The following SSC4D variants were observed in gnomAD, a reference collection of about 807,000 sequenced individuals.
SSC4D encodes scavenger receptor cysteine-rich domain-containing group B protein.
In SSC4D, 57 loss-of-function variants were observed where a neutral mutation model predicts 63.4. The ratio of observed to expected loss-of-function variants is 0.90; its 90% CI spans 0.73 to 1.12. SSC4D has a LOEUF of 1.12. SSC4D is among the 50% of genes most tolerant of loss of function. SSC4D has a pLI of 0.00. For synonymous variants in SSC4D, 352 were observed against 345.4 expected, an observed-to-expected ratio of 1.02 and a Z score of -0.21; for missense variants, 791 against 806.4, an observed-to-expected ratio of 0.98 and a Z score of 0.23.
intron 8 of SSC4D, 29 bp from the exon 9 acceptor site, chr7:76,393,745 G>A: frequency 7.1e-7 from 1 of 1,408,560 alleles, no homozygotes; most frequent in East Asian, 2.9e-5. Flanking sequence ...CGCGGCCAGA[G>A]GGGCTGGGCT....
chr7:76,400,487 C>T lies in SSC4D; in HGVS notation c.274G>A (p.Ala92Thr), dbSNP rs775186548. 24 of 1,603,852 alleles carry T rather than the reference C, an allele frequency of 1.5e-5. 1 individual carries two copies. In the South Asian group the frequency reaches 2.0e-4, roughly 13 times the overall value. ...CCCAGCTGGCGACACACTACGTTGG[C>T]GTCCACCACGTCCCAGTCGTCATCA... ...VCDDDWDVVD[A>T]NVVCRQLGCG... is the part of the protein sequence containing the mutation. The change falls in exon 4 of 11, where the codon GCC becomes ACC. Residue 92 changes from alanine (A) to threonine (T), a missense_variant. Transcript: ENST00000275560.
intron 4 of SSC4D, among the ~76,000 whole-genome samples, chr7:76,399,615 G>C (rs947167550): frequency 3.3e-5 from 5 of 151,792 alleles, no homozygotes; most frequent in African/African-American, 4.8e-5. Flanking sequence ...GCTCACTGCA[G>C]CCTTGACCCC....
chr7:76,403,228 G>A (rs940317841), intron 2 of SSC4D, among the ~76,000 whole-genome samples: 5 of 152,110 alleles, frequency 3.3e-5, no homozygotes, highest in African/African-American at 4.8e-5. Context: ...ATGGAAAGCC[G>A]GAAAATAATT....
At chr7:76,403,425 C>G (rs1028383718) in intron 2 of SSC4D, among the ~76,000 whole-genome samples, 3 of 151,784 alleles carry the variant, frequency 2.0e-5, no homozygotes, top group African/African-American at 7.3e-5. Context: ...GCAACCTCCA[C>G]CTCCTGGGTT....
At position 76,393,716 on chromosome 7, in the gene SSC4D, C is replaced by A; in HGVS notation, c.1022G>T (p.Ser341Ile). 1 of 1,389,768 alleles carries A rather than the reference C, an allele frequency of 7.2e-7. No homozygotes were observed. 86.1% of individuals were successfully genotyped at this position (1,389,768 alleles called of 1,614,324 possible). ...TTAAWAAGKK[S>I]GRLRLVGGPG... ...GCCGCCCACCAGTCGCAGCCGTCCA[C>A]CTGCGGGGCGCACAGGCCCGCGGCC... Residue 341 changes from serine to isoleucine, a missense_variant and splice_region_variant, in exon 9 of 11, where the codon AGT becomes ATT. Ser to Ile is a moderately radical substitution (Grantham distance 142). Transcript: ENST00000275560.
At chr7:76,392,140 C>T in intron 9 of SSC4D, 99 bp from the exon 10 acceptor site, 1 of 1,248,130 alleles carries the variant, frequency 8.0e-7, no homozygotes, top group East Asian at 2.5e-5. Flanking sequence ...AAAGCCTGTC[C>T]TAGGGACAAA....
intron 6 of SSC4D, 113 bp from the exon 7 acceptor site, chr7:76,395,443 C>T: frequency 2.7e-6 from 3 of 1,093,012 alleles, no homozygotes; most frequent in Non-Finnish European, 4.0e-6. Flanking sequence ...ATAGATGTTA[C>T]TTCCAGGGCT....
rs1453514760 is a variant in SSC4D, at chr7:76,390,749, G to A, written c.1412-374C>T. 3.9e-5 allele frequency among the ~76,000 whole-genome samples: 6 copies of A among 152,224 alleles called. No individual in the cohort carries two copies. The South Asian group carries it at 1.0e-3, about 26-fold the overall frequency. On this transcript the variant is annotated intron_variant, in intron 10 of 10. Coordinates refer to ENST00000275560, the MANE Select transcript of SSC4D (RefSeq NM_080744.2). ...GGAGTATGGCATGAACCCAGGAGGT[G>A]GAGCTTGCAGTGAGCCGAGATCGTG... is the stretch of plus-strand genomic sequence containing the variant.
chr7:76,404,247 A>G (rs1804926138), intron 2 of SSC4D, 60 bp downstream of exon 2: 4 of 1,477,780 alleles, frequency 2.7e-6, no homozygotes, highest in Non-Finnish European at 3.6e-6. Flanking sequence ...ATAAAGTTAC[A>G]GCTGGGACAA....
intron 10 of SSC4D, among the ~76,000 whole-genome samples, chr7:76,391,251 T>C (rs1804488695): frequency 6.6e-6 from 1 of 152,052 alleles, no homozygotes; most frequent in African/African-American, 2.4e-5. Context: ...CTGGCCAACA[T>C]GGTGAAACCC....
intron 1 of SSC4D, among the ~76,000 whole-genome samples, chr7:76,407,187 C>T (rs903169755): frequency 2.0e-5 from 3 of 152,194 alleles, no homozygotes; most frequent in African/African-American, 7.2e-5. Flanking sequence ...TCTGGAACTC[C>T]TGACCTCAAG....
At chr7:76,393,358 G>A in intron 9 of SSC4D, 47 bp downstream of exon 9, 2 of 1,308,860 alleles carry the variant, frequency 1.5e-6, no homozygotes, top group Non-Finnish European at 1.9e-6. Context: ...CTCCCACGCC[G>A]CAGTGCGCGG....
chr7:76,397,087 T>C (rs77596096), intron 6 of SSC4D, among the ~76,000 whole-genome samples: 1 of 152,122 alleles, frequency 6.6e-6, no homozygotes, highest in Non-Finnish European at 1.5e-5. Flanking sequence ...ACAGTTTTTT[T>C]GTTTGTTTGT....
chr7:76,393,424 G>C lies in SSC4D; in HGVS notation c.1314C>G (p.Asp438Glu), dbSNP rs1244236085. ...WGQHNCGHHE[D>E]AGALCAGPEE... ...CCTCACCTGCGCAGAGCGCTCCCGC[G>C]TCCTCGTGGTGGCCGCAGTTGTGCT... is the stretch of plus-strand genomic sequence containing the variant. The change falls in exon 9 of 11, where the codon GAC (aspartate) becomes GAG (glutamate). Residue 438 changes from aspartate (D) to glutamate (E), a missense_variant. By Grantham distance (45) the Asp-to-Glu change is conservative (BLOSUM62 2). Transcript: ENST00000275560. 6.7e-7 allele frequency: 1 copy of C among 1,493,050 alleles called. No homozygotes were observed. The allele number at this position is 1,493,050 out of a possible 1,614,324, so 92.5% of individuals were successfully genotyped here.
At chr7:76,390,450 T>A in intron 10 of SSC4D, 75 bp from the exon 11 acceptor site, 1 of 1,393,064 alleles carries the variant, frequency 7.2e-7, no homozygotes, top group Non-Finnish European at 9.6e-7. Flanking sequence ...AGGTTGGCAG[T>A]AAAGAGAGGT....
chr7:76,397,596 G>A lies in SSC4D; in HGVS notation c.790C>T (p.Arg264Cys). 6.2e-7 allele frequency: 1 copy of A among 1,607,492 alleles called. No homozygotes were observed. Among genetic ancestry groups the A allele is most frequent in the Non-Finnish European group, 8.5e-7 (1 of 1,177,732 alleles). Residue 264 changes from arginine to cysteine, a missense_variant, in exon 6 of 11, where the codon CGC (arginine) becomes TGC (cysteine). Arg to Cys is a radical substitution (Grantham distance 180). Coordinates refer to ENST00000275560, the MANE Select transcript of SSC4D (RefSeq NM_080744.2). ...CCCAGGCTCTGGCAGGCTGCCAGGC[G>A]GGGCTCGCCGCCTTCGCAGTGCACG... is the stretch of plus-strand genomic sequence containing the variant. ...DNVHCEGGEP[R>C]LAACQSLGWG...
At position 76,400,487 on chromosome 7, in the gene SSC4D, C is replaced by A; in HGVS notation, c.274G>T (p.Ala92Ser). 20 of 1,603,972 alleles carry A rather than the reference C, an allele frequency of 1.2e-5. No homozygotes were observed. The highest frequency in any genetic ancestry group is 1.5e-5 in the Non-Finnish European group (18 of 1,175,006). The change falls in exon 4 of 11, where the codon GCC becomes TCC. Residue 92 changes from alanine to serine, a missense_variant. Transcript: ENST00000275560. ...VCDDDWDVVD[A>S]NVVCRQLGCG... ...CCCAGCTGGCGACACACTACGTTGG[C>A]GTCCACCACGTCCCAGTCGTCATCA...
intron 9 of SSC4D, among the ~76,000 whole-genome samples, chr7:76,392,557 A>G (rs1465722222): frequency 6.6e-6 from 1 of 151,080 alleles, no homozygotes; most frequent in Non-Finnish European, 1.5e-5. Flanking sequence ...AAAAAAAGTC[A>G]TGGTGAGAGG....
intron 10 of SSC4D, 65 bp downstream of exon 10, chr7:76,391,899 C>G: frequency 6.7e-7 from 1 of 1,490,858 alleles, no homozygotes; most frequent in East Asian, 2.4e-5. Context: ...GCTGTGACCT[C>G]CCCCAATCCA....
Sources: allele counts gnomAD v4.1 joint callset (sites outside exome capture counted in the v4.1 genomes callset), GRCh38; gene constraint gnomAD v4.1.1; transcripts MANE v1.5; gene names NCBI Gene and HGNC (gene_info 2026-07-23, HGNC 2026-07-21).